Variants in NNMT observed in about 807,000 individuals in gnomAD.
NNMT encodes nicotinamide N-methyltransferase.
NNMT carries 10 observed loss-of-function variants against 11.7 expected under a neutral mutation model. The observed-to-expected ratio is 0.85, with a 90% CI of 0.53 to 1.45. The LOEUF is 1.45. NNMT is among the 40% of genes most tolerant of loss of function. The pLI, the probability that NNMT is intolerant of heterozygous loss-of-function variation, is 0.00. For synonymous variants in NNMT, 143 were observed against 133.8 expected, an observed-to-expected ratio of 1.07 and a Z score of -0.48; for missense variants, 381 against 319.4, an observed-to-expected ratio of 1.19 and a Z score of -1.47.
chr11:114,267,808 C>T (rs963494020), intron 2 of NNMT, among the ~76,000 whole-genome samples: 1 of 152,198 alleles, frequency 6.6e-6, no homozygotes, highest in African/African-American at 2.4e-5. Context: ...GAATTTTTCT[C>T]ATTTAACCTC....
intron 2 of NNMT, among the ~76,000 whole-genome samples, chr11:114,276,417 T>G (rs1167905251): frequency 6.6e-6 from 1 of 152,170 alleles, no homozygotes; most frequent in Non-Finnish European, 1.5e-5. Context: ...TGGTAGGAGC[T>G]AGGAGTGCAC....
chr11:114,279,557 T>A (rs985115778), intron 2 of NNMT, among the ~76,000 whole-genome samples: 1 of 152,070 alleles, frequency 6.6e-6, no homozygotes, highest in East Asian at 1.9e-4. Context: ...AGAGGCTGAG[T>A]GTTAACCCCA....
intron 1 of NNMT, 83 bp downstream of exon 1, chr11:114,296,793 C>A: frequency 7.2e-7 from 1 of 1,383,456 alleles, no homozygotes; most frequent in Non-Finnish European, 1.0e-6. Flanking sequence ...TTGTGTCTCT[C>A]GTTGTTGCTT....
At chr11:114,289,201 A>G (rs1945318741) in intron 2 of NNMT, among the ~76,000 whole-genome samples, 2 of 152,190 alleles carry the variant, frequency 1.3e-5, no homozygotes. Flanking sequence ...TCTTGTTATT[A>G]TCTTTTAAAT....
chr11:114,309,156 T>TTATTATTA (rs1284665707), intron 2 of NNMT, among the ~76,000 whole-genome samples: 1 of 152,228 alleles, frequency 6.6e-6, no homozygotes, highest in East Asian at 1.9e-4. Flanking sequence ...TGATATACAC[T>TTATTATTA]TTATTATTAT....
Position 114,305,853 on chromosome 11 carries a change from G to A in NNMT, c.363-6192G>A, listed in dbSNP as rs1177744101. ...TAGCAGCATGATTTATAATCCTTTG[G>A]GTATATACCCAGTAATGGGATGGCT... On this transcript the variant is annotated intron_variant, in intron 2 of 2. Coordinates refer to ENST00000299964, the MANE Select transcript of NNMT (RefSeq NM_006169.3). Among the ~76,000 whole-genome samples, 8 of 151,984 alleles carry A rather than the reference G, an allele frequency of 5.3e-5. No individual in the cohort carries two copies. In the East Asian group the frequency reaches 1.5e-3, roughly 29 times the overall value.
chr11:114,274,721 A>C (rs1284750990), intron 2 of NNMT, among the ~76,000 whole-genome samples: 1 of 152,242 alleles, frequency 6.6e-6, no homozygotes, highest in East Asian at 1.9e-4. Context: ...AGCCAGAAAG[A>C]AACTGTCCCA....
In NNMT at chr11:114,273,916, A is replaced by G. The variant is rs561611729; in HGVS notation, c.-130+10982A>G. ...CACTTCAGTGAAGAACAATTGGAATAGGAAAGCCAGTGTCCTCATGAATGT... is the reference window on the plus strand; with the variant it reads ...CACTTCAGTGAAGAACAATTGGAATGGGAAAGCCAGTGTCCTCATGAATGT... On this transcript the variant is annotated intron_variant, in intron 2 of 4. Transcript: ENST00000535401. 2.0e-5 allele frequency among the ~76,000 whole-genome samples: 3 copies of G among 152,324 alleles called. No homozygotes were observed. In the South Asian group the frequency reaches 6.2e-4, roughly 32 times the overall value.
At chr11:114,305,870 G>A (rs1432642566) in intron 2 of NNMT, among the ~76,000 whole-genome samples, 42 of 152,170 alleles carry the variant, frequency 2.8e-4, no homozygotes, top group African/African-American at 9.6e-4. Flanking sequence ...ACCCAGTAAT[G>A]GGATGGCTGG....
At chr11:114,304,684 C>T (rs754940112) in intron 2 of NNMT, among the ~76,000 whole-genome samples, 2 of 152,058 alleles carry the variant, frequency 1.3e-5, no homozygotes, top group African/African-American at 4.8e-5. Context: ...AAATACCACT[C>T]ATTTTAAATT....
intron 1 of NNMT, among the ~76,000 whole-genome samples, chr11:114,259,267 G>A (rs1240752182): frequency 6.6e-6 from 1 of 151,742 alleles, no homozygotes; most frequent in Non-Finnish European, 1.5e-5. Flanking sequence ...TCAGGGGCAC[G>A]TGAGAGCAGG....
chr11:114,308,690 TA>T (rs1270949853), intron 2 of NNMT, among the ~76,000 whole-genome samples: 1 of 152,190 alleles, frequency 6.6e-6, no homozygotes, highest in African/African-American at 2.4e-5. Context: ...GGTGTGTGTT[TA>T]TTACCTACCC....
chr11:114,303,195 A>T (rs1402741689), intron 2 of NNMT, among the ~76,000 whole-genome samples: 3 of 152,096 alleles, frequency 2.0e-5, no homozygotes, highest in African/African-American at 7.2e-5. Flanking sequence ...CCTTCACCTG[A>T]AGAACTTATT....
chr11:114,292,069 T>C (rs1945339257), upstream of NNMT, among the ~76,000 whole-genome samples: 1 of 152,206 alleles, frequency 6.6e-6, no homozygotes, highest in African/African-American at 2.4e-5. Context: ...GTCTCTTAGC[T>C]TTCTCTTTCA....
chr11:114,275,757 G>T (rs1050113229), intron 2 of NNMT, among the ~76,000 whole-genome samples: 1 of 152,118 alleles, frequency 6.6e-6, no homozygotes, highest in South Asian at 2.1e-4. Flanking sequence ...TAGGGGTTAT[G>T]GTTATGGTTA....
At chr11:114,261,175 T>C (rs552644066) in intron 1 of NNMT, among the ~76,000 whole-genome samples, 2 of 152,288 alleles carry the variant, frequency 1.3e-5, no homozygotes, top group South Asian at 2.1e-4. Context: ...TCTGGAGTAG[T>C]GAGGCTGCTG....
At chr11:114,283,304 G>T (rs149165319) in intron 2 of NNMT, among the ~76,000 whole-genome samples, 6 of 152,280 alleles carry the variant, frequency 3.9e-5, no homozygotes, top group African/African-American at 1.4e-4. Flanking sequence ...AATGAGGGGT[G>T]CAAATCATGA....
chr11:114,293,883 C>CT (rs1281162620), upstream of NNMT, among the ~76,000 whole-genome samples: 1 of 152,074 alleles, frequency 6.6e-6, no homozygotes, highest in Admixed American at 6.5e-5. Context: ...TGGAAGTACT[C>CT]TAAGTGTCCA....
At chr11:114,285,230 A>G (rs892788552) in intron 2 of NNMT, among the ~76,000 whole-genome samples, 6 of 152,204 alleles carry the variant, frequency 3.9e-5, no homozygotes, top group Non-Finnish European at 7.3e-5. Context: ...TGATAACCAG[A>G]TAATTAGATA....
Sources: allele counts gnomAD v4.1 joint callset (sites outside exome capture counted in the v4.1 genomes callset), GRCh38; gene constraint gnomAD v4.1.1; transcripts MANE v1.5; gene names NCBI Gene and HGNC (gene_info 2026-07-23, HGNC 2026-07-21).